Variants in CDK15 observed in about 807,000 individuals in gnomAD.
CDK15 encodes the protein cyclin-dependent kinase 15.
A neutral mutation model predicts 60.3 loss-of-function variants in CDK15; 62 were observed. The ratio of observed to expected loss-of-function variants is 1.03; its 90% confidence interval spans 0.84 to 1.27. CDK15 has a LOEUF of 1.27. Ranked by LOEUF, CDK15 falls within the 50% of genes most tolerant of loss-of-function variation. The pLI is 0.00. For synonymous variants in CDK15, 194 were observed against 195.7 expected, an observed-to-expected ratio of 0.99 and a Z score of 0.07; for missense variants, 541 against 527.8, an observed-to-expected ratio of 1.03 and a Z score of -0.25.
chr2:201,884,462 T>G (rs1443929736), intron 12 of CDK15, among the ~76,000 whole-genome samples: 4 of 152,206 alleles, frequency 2.6e-5, no homozygotes, highest in Admixed American at 2.0e-4. Context: ...CATCCCGATA[T>G]CTATACTCCG....
At position 201,822,914 on chromosome 2, in the gene CDK15, C is replaced by A. The variant is rs200823522; in HGVS notation, c.543+11C>A. ...GTTTTTGAATACATGGTGAGTTGTT[C>A]GAGCATTTTACAACACTTGAGAAAA... On this transcript the variant is annotated intron_variant, in intron 5 of 13. Transcript: ENST00000652192. 3 of 1,539,604 alleles carry A rather than the reference C, an allele frequency of 1.9e-6. No individual in the cohort carries two copies. Among genetic ancestry groups the A allele is most frequent in the Non-Finnish European group, 2.7e-6 (3 of 1,113,124 alleles).
intron 10 of CDK15, among the ~76,000 whole-genome samples, chr2:201,858,575 C>CT (rs1698246953): frequency 6.6e-6 from 1 of 152,104 alleles, no homozygotes; most frequent in Non-Finnish European, 1.5e-5. Flanking sequence ...AAAGTAGGCG[C>CT]TTTTTTTGTT....
intron 10 of CDK15, among the ~76,000 whole-genome samples, chr2:201,865,225 G>A (rs988871570): frequency 5.9e-5 from 9 of 152,156 alleles, no homozygotes; most frequent in Non-Finnish European, 1.3e-4. Context: ...GTCAAATGAT[G>A]CCTCATTAAA....
chr2:201,824,829 C>A, intron 6 of CDK15: 10 of 604,602 alleles, frequency 1.7e-5, no homozygotes, highest in East Asian at 1.4e-4. Flanking sequence ...AGTGTTACAG[C>A]AATTGATCAA....
chr2:201,818,822 G>C (rs574028299), intron 4 of CDK15, among the ~76,000 whole-genome samples: 4 of 152,086 alleles, frequency 2.6e-5, no homozygotes, highest in African/African-American at 9.7e-5. Flanking sequence ...AGGAATAAAA[G>C]CATCTTCAAC....
At chr2:201,815,666 T>C (rs578172633) in intron 4 of CDK15, among the ~76,000 whole-genome samples, 1 of 152,360 alleles carries the variant, frequency 6.6e-6, no homozygotes, top group East Asian at 1.9e-4. Flanking sequence ...AATATCTTAA[T>C]ATAATGTGCA....
intron 10 of CDK15, among the ~76,000 whole-genome samples, chr2:201,865,535 A>AGCACC (rs1384697432): frequency 6.6e-6 from 1 of 152,188 alleles, no homozygotes; most frequent in Non-Finnish European, 1.5e-5. Context: ...AATGCCAAGG[A>AGCACC]GCACCCTCAG....
At chr2:201,842,917 CA>C (rs1697464917) in intron 8 of CDK15, among the ~76,000 whole-genome samples, 2 of 152,168 alleles carry the variant, frequency 1.3e-5, no homozygotes, top group African/African-American at 4.8e-5. Context: ...TATCTCCACA[CA>C]GCAGAAATCC....
At chr2:201,831,255 T>A (rs1442553120) in intron 6 of CDK15, among the ~76,000 whole-genome samples, 1 of 152,202 alleles carries the variant, frequency 6.6e-6, no homozygotes, top group Non-Finnish European at 1.5e-5. Context: ...GGCTTCCCTA[T>A]AAGGAGTTGG....
intron 3 of CDK15, 144 bp downstream of exon 3, chr2:201,808,096 T>C (rs1004736381): frequency 1.6e-6 from 1 of 616,286 alleles, no homozygotes; most frequent in Non-Finnish European, 2.7e-6. Context: ...GAGAGAGACA[T>C]GATAACTTAA....
At chr2:201,828,789 C>T (rs924695966) in intron 6 of CDK15, among the ~76,000 whole-genome samples, 2 of 152,148 alleles carry the variant, frequency 1.3e-5, no homozygotes, top group Non-Finnish European at 2.9e-5. Context: ...GGTCTCTGTA[C>T]CCTAATCTTT....
intron 11 of CDK15, among the ~76,000 whole-genome samples, chr2:201,873,986 G>A (rs974273296): frequency 4.0e-5 from 6 of 150,958 alleles, no homozygotes; most frequent in East Asian, 2.0e-4. Flanking sequence ...CCCGGGAGGC[G>A]GAGGTTGCAG....
At chr2:201,855,797 T>C (rs895168145) in intron 10 of CDK15, among the ~76,000 whole-genome samples, 1 of 151,590 alleles carries the variant, frequency 6.6e-6, no homozygotes, top group African/African-American at 2.4e-5. Context: ...TTACTAAAAA[T>C]GAAATCTTCC....
intron 9 of CDK15, among the ~76,000 whole-genome samples, chr2:201,853,021 TC>T (rs1302757909): frequency 6.6e-6 from 1 of 152,236 alleles, no homozygotes; most frequent in Non-Finnish European, 1.5e-5. Flanking sequence ...ATCTTTGCTT[TC>T]TTTTCACTGC....
intron 12 of CDK15, among the ~76,000 whole-genome samples, chr2:201,887,520 A>C (rs1262359824): frequency 6.6e-6 from 1 of 152,188 alleles, no homozygotes; most frequent in South Asian, 2.1e-4. Context: ...GTTTCCCAAC[A>C]TAATGTGTTT....
At chr2:201,812,334 C>A in intron 3 of CDK15, 149 bp from the exon 4 acceptor site, 1 of 516,870 alleles carries the variant, frequency 1.9e-6, no homozygotes, top group East Asian at 3.3e-5. Flanking sequence ...TGTATTGATA[C>A]ATGTTAAACT....
intron 6 of CDK15, among the ~76,000 whole-genome samples, chr2:201,825,306 C>A (rs1696423337): frequency 7.3e-6 from 1 of 137,610 alleles, no homozygotes. Flanking sequence ...GGGCAAGACT[C>A]CAACTCAAAA....
At chr2:201,851,007 A>G (rs759473982) in intron 9 of CDK15, among the ~76,000 whole-genome samples, 7 of 152,076 alleles carry the variant, frequency 4.6e-5, no homozygotes, top group Non-Finnish European at 1.0e-4. Context: ...AAGAACAGAA[A>G]TTGGCCGGGC....
intron 10 of CDK15, among the ~76,000 whole-genome samples, chr2:201,865,160 T>C (rs1340062212): frequency 6.6e-6 from 1 of 152,196 alleles, no homozygotes; most frequent in Non-Finnish European, 1.5e-5. Context: ...GCTGAGCTCA[T>C]TGGCTGCATG....
Sources: gnomAD v4.1 joint callset for allele counts (sites outside exome capture counted in the v4.1 genomes callset) on GRCh38, gnomAD v4.1.1 for gene constraint, MANE v1.5 for transcripts, NCBI Gene and HGNC (gene_info 2026-07-23, HGNC 2026-07-21) for gene names.